Variants in NOTCH3 observed in about 807,000 individuals in gnomAD.
The protein encoded by NOTCH3 is neurogenic locus notch homolog protein 3.
A neutral mutation model predicts 213.3 loss-of-function variants in NOTCH3; 86 were observed. The ratio of observed to expected loss-of-function variants is 0.40; its 90% CI spans 0.34 to 0.48. The LOEUF (loss-of-function observed/expected upper bound fraction) is 0.48, where lower values mean the gene tolerates loss of function less well. Among genes scored for constraint, NOTCH3 ranks in the 20% least tolerant of loss-of-function variants. The pLI is 0.57. For synonymous variants in NOTCH3, 1,354 were observed against 1,355.9 expected, an observed-to-expected ratio of 1.00 and a Z score of 0.03; for missense variants, 2,783 against 3,272.6, an observed-to-expected ratio of 0.85 and a Z score of 3.65.
In NOTCH3 at chr19:15,177,930, C is replaced by G; in HGVS notation, c.3998G>C (p.Gly1333Ala). 8.5e-6 allele frequency: 11 copies of G among 1,291,180 alleles called. No homozygotes were observed. Among genetic ancestry groups the G allele is most frequent in the Non-Finnish European group, 1.1e-5 (11 of 1,022,698 alleles). 80.0% of individuals were successfully genotyped at this position (1,291,180 alleles called of 1,614,324 possible). A position where few individuals can be genotyped will look rare whatever the true frequency, so the allele number is the denominator to read the frequency against. The change falls in exon 24 of 33, where the codon GGG becomes GCG. Residue 1333 changes from glycine to alanine, a missense_variant. This residue lies in a region of NOTCH3 where 133 missense variants were observed against 201.9 expected (regional missense o/e 0.66). Coordinates refer to ENST00000263388, the MANE Select transcript of NOTCH3 (RefSeq NM_000435.3). ...GGCCGCGCAGCTGGCGTTGCTGGCC[C>G]CCGGCGGCGACCCCGGGAAGCTGCG... Reference protein sequence around the residue: ...SCRSFPGSPPGASNASCAAAP... With the variant: ...SCRSFPGSPPAASNASCAAAP...
At chr19:15,183,464 A>C (rs986301562) in intron 16 of NOTCH3, among the ~76,000 whole-genome samples, 1 of 151,564 alleles carries the variant, frequency 6.6e-6, no homozygotes, top group African/African-American at 2.4e-5. Context: ...CAATGACACA[A>C]TCTCAGCTCA....
intron 31 of NOTCH3, among the ~76,000 whole-genome samples, chr19:15,164,868 C>T (rs1436649233): frequency 6.6e-6 from 1 of 151,996 alleles, no homozygotes; most frequent in Non-Finnish European, 1.5e-5. Context: ...ACAGACTCAA[C>T]CTCCTGGGCT....
chr19:15,174,082 G>A lies in NOTCH3; in HGVS notation c.4722C>T (p.Ala1574=), dbSNP rs575295848. Residue 1574 remains alanine (A), a synonymous_variant, in exon 25 of 33, where the codon GCC becomes GCT. Coordinates refer to ENST00000263388, the MANE Select transcript of NOTCH3 (RefSeq NM_000435.3). ...GSEPRARREL[A]PEVIGSVVML... The stretch of plus-strand genomic sequence containing the variant: ...GGGTCACTCACCCGATCACCTCGGG[G>A]GCCAGCTCCCGACGGGCCCGGGGTT... 1.1e-5 allele frequency: 18 copies of A among 1,583,518 alleles called. No homozygotes were observed. In the Admixed American group the frequency reaches 2.7e-4, roughly 24 times the overall value.
intron 20 of NOTCH3, 73 bp from the exon 21 acceptor site, chr19:15,179,569 G>A (rs1255086464): frequency 9.9e-6 from 15 of 1,520,086 alleles, no homozygotes; most frequent in East Asian, 2.3e-5. Flanking sequence ...CCATGAAGAC[G>A]CAAAGAACCC....
At chr19:15,173,063 T>C (rs142729424) in intron 25 of NOTCH3, among the ~76,000 whole-genome samples, 78 of 1,912 alleles carry the variant, frequency 0.041, 15 homozygotes, top group Non-Finnish European at 0.067. Context: ...CCTCTTCTTC[T>C]TCTTCTTCTT....
chr19:15,177,418 A>ATT (rs2046800370), intron 24 of NOTCH3, 107 bp downstream of exon 24: 1 of 1,033,214 alleles, frequency 9.7e-7, no homozygotes, highest in Non-Finnish European at 1.5e-6. Flanking sequence ...GCACAGAGAA[A>ATT]CAGACGGGGC....
intron 25 of NOTCH3, among the ~76,000 whole-genome samples, chr19:15,172,668 CTT>C (rs762705777): frequency 1.5e-4 from 21 of 139,822 alleles, no homozygotes; most frequent in Admixed American, 2.1e-4. Flanking sequence ...TTTTCTTTTT[CTT>C]TTTTTTTTTT....
intron 28 of NOTCH3, 73 bp from the exon 29 acceptor site, chr19:15,167,484 C>T (rs531032611): frequency 7.1e-7 from 1 of 1,409,018 alleles, no homozygotes; most frequent in South Asian, 1.2e-5. Flanking sequence ...AGGGATGGGG[C>T]TGGGCATTCC....
intron 19 of NOTCH3, 143 bp downstream of exon 19, chr19:15,180,538 C>A: frequency 9.8e-7 from 1 of 1,022,102 alleles, no homozygotes; most frequent in Non-Finnish European, 1.5e-6. Flanking sequence ...TTGTCACATG[C>A]TCACACACCC....
Position 15,185,620 on chromosome 19 carries a change from A to G in NOTCH3, c.2011T>C (p.Ser671Pro), listed in dbSNP as rs2145430414. The G allele has an allele frequency of 6.2e-7, 1 of 1,613,576 alleles. No homozygotes were observed. Residue 671 changes from serine to proline, a missense_variant, in exon 13 of 33, where the codon TCC becomes CCC. Transcript: ENST00000263388. This position sits in a 1 kb window ranked among gnomAD's most constrained non-coding sequence, Gnocchi z 4.2. ...AAGCCATTTTCCCCATCCACACAGGAACCTCCCTCGCCGCATGGGCTGGAA... is the reference window on the plus strand; with the variant it reads ...AAGCCATTTTCCCCATCCACACAGGGACCTCCCTCGCCGCATGGGCTGGAA... The part of the protein sequence containing the change: ...CASSPCGEGG[S>P]CVDGENGFRC...
At chr19:15,193,480 G>A (rs1256055089) in intron 2 of NOTCH3, among the ~76,000 whole-genome samples, 1 of 152,070 alleles carries the variant, frequency 6.6e-6, no homozygotes, top group Non-Finnish European at 1.5e-5. Flanking sequence ...TCAGTGACAA[G>A]TGTTCATACA....
Position 15,161,017 on chromosome 19 carries a change from G to A in NOTCH3, c.6611C>T (p.Pro2204Leu), listed in dbSNP as rs371738874. Residue 2204 changes from proline to leucine, a missense_variant, in exon 33 of 33, where the codon CCG becomes CTG. Pro to Leu is a moderately conservative substitution (Grantham distance 98, BLOSUM62 -3). Transcript: ENST00000263388. The part of the protein sequence containing the change: ...QLLNPGTPVS[P>L]QERPPPYLAV... ...CAGGTAAGGCGGGGGCCGCTCCTGC[G>A]GGGAGACGGGGGTCCCTGGGTTGAG... 1.3e-4 allele frequency: 200 copies of A among 1,537,018 alleles called. No individual in the cohort carries two copies. The highest frequency in any genetic ancestry group is 3.0e-4 in the African/African-American group (22 of 73,530).
At chr19:15,164,223 GTT>G (rs1268058167) in intron 31 of NOTCH3, among the ~76,000 whole-genome samples, 11 of 2,178 alleles carry the variant, frequency 5.1e-3, no homozygotes, top group Non-Finnish European at 1.3e-3. Flanking sequence ...CAATAAAGCA[GTT>G]TTTTGTTTTT....
At position 15,178,876 on chromosome 19, in the gene NOTCH3, G is replaced by A; in HGVS notation, c.3784C>T (p.Arg1262Cys). 3 of 1,610,686 alleles carry A rather than the reference G, an allele frequency of 1.9e-6. No homozygotes were observed. The highest frequency in any genetic ancestry group is 2.2e-5 in the East Asian group (1 of 44,780). Residue 1262 changes from arginine (R) to cysteine (C), a missense_variant, in exon 23 of 33, where the codon CGT becomes TGT. Coordinates refer to ENST00000263388, the MANE Select transcript of NOTCH3 (RefSeq NM_000435.3). ...SQPCQHGGQC[R>C]PSPGPGGGLT... ...CCACCCCCAGGACCCGGGCTAGGAC[G>A]GCACTGGCCTCCATGCTGGCATGGC...
rs778341563 is a variant in NOTCH3 at position 15,159,547 on chromosome 19, T to C, written c.*1115A>G. The C allele has an allele frequency of 4.7e-6, 1 of 211,682 alleles. No individual in the cohort carries two copies. The highest frequency in any genetic ancestry group is 9.6e-6 in the Non-Finnish European group (1 of 104,484). 13.1% of individuals were successfully genotyped at this position (211,682 alleles called of 1,614,324 possible). A position where few individuals can be genotyped will look rare whatever the true frequency, so the allele number is the denominator to read the frequency against. On this transcript the variant is annotated 3_prime_UTR_variant, in exon 33 of 33. Transcript: ENST00000263388. ...CAAGTCAAATGTATTTACCCCAAGATGGGAGCTCAAGTTAGCCCTGGGTGG... is the reference window on the plus strand; with the variant it reads ...CAAGTCAAATGTATTTACCCCAAGACGGGAGCTCAAGTTAGCCCTGGGTGG...
chr19:15,188,388 C>A, intron 8 of NOTCH3, 40 bp from the exon 9 acceptor site: 1 of 1,342,552 alleles, frequency 7.4e-7, no homozygotes. Flanking sequence ...GGGGGCTACC[C>A]TATGGTGTGA....
Position 15,180,321 on chromosome 19 carries a change from C to T in NOTCH3, c.3143-65G>A, listed in dbSNP as rs1395492151. The T allele has an allele frequency of 4.5e-6, 7 of 1,549,810 alleles. No individual in the cohort carries two copies. The African/African-American group carries it at 5.4e-5, about 12-fold the overall frequency. ...ATACATCCCCCTTCTGCCTCCATCA[C>T]ACAGATCATTCAACATCCTTGGTGG... On this transcript the variant is annotated intron_variant, in intron 19 of 32. Transcript: ENST00000263388.
At chr19:15,181,520 T>G (rs2046841249) in intron 17 of NOTCH3, 56 bp downstream of exon 17, 1 of 1,451,910 alleles carries the variant, frequency 6.9e-7, no homozygotes, top group Admixed American at 2.0e-5. Context: ...TCGTCCCAGG[T>G]CCCAGGCCCC....
chr19:15,176,764 A>T (rs1436682232), intron 24 of NOTCH3, among the ~76,000 whole-genome samples: 1 of 71,246 alleles, frequency 1.4e-5, no homozygotes, highest in African/African-American at 1.7e-4. Context: ...CCCTGTCTTA[A>T]AAAAAAAAAA....
Sources: allele counts gnomAD v4.1 joint callset (sites outside exome capture counted in the v4.1 genomes callset), GRCh38; gene constraint gnomAD v4.1.1; regional missense constraint gnomAD v4.1.1; non-coding constraint Gnocchi (gnomAD v3.1); transcripts MANE v1.5; gene names NCBI Gene and HGNC (gene_info 2026-07-23, HGNC 2026-07-21).